RAX: variants seen among roughly 807,000 people sequenced by gnomAD.
RAX encodes the protein retina and anterior neural fold homeobox, also known as retinal homeobox protein Rx.
Under a neutral mutation model 17.4 loss-of-function variants are expected in RAX, and 11 were observed. The ratio of observed to expected loss-of-function variants is 0.63; its 90% confidence interval spans 0.40 to 1.05. The LOEUF (loss-of-function observed/expected upper bound fraction) is 1.05, where lower values mean the gene tolerates loss of function less well. Among genes scored for constraint, RAX ranks in the 50% least tolerant of loss-of-function variants. The pLI is 0.00. For missense variants in RAX, 527 were observed against 501.1 expected, an observed-to-expected ratio of 1.05 and a Z score of -0.49; for synonymous variants, 276 against 254.7, an observed-to-expected ratio of 1.08 and a Z score of -0.80.
intron 2 of RAX, among the ~76,000 whole-genome samples, chr18:59,271,551 G>A (rs2070338228): frequency 6.6e-6 from 1 of 152,192 alleles, no homozygotes; most frequent in Non-Finnish European, 1.5e-5. Flanking sequence ...ATGGATAAAA[G>A]CTCCGAACAC....
chr18:59,272,804 C>G, intron 1 of RAX, 114 bp downstream of exon 1: 1 of 1,417,826 alleles, frequency 7.1e-7, no homozygotes, highest in Non-Finnish European at 9.3e-7. Context: ...ATAGACGGTC[C>G]CCAACCCCGC....
chr18:59,272,356 T>A lies in RAX; in HGVS notation c.543+5A>T. 6.2e-7 allele frequency: 1 copy of A among 1,614,198 alleles called. No homozygotes were observed. Among genetic ancestry groups the A allele is most frequent in the Non-Finnish European group, 8.5e-7 (1 of 1,180,038 alleles). On this transcript the variant is annotated splice_donor_5th_base_variant and intron_variant, in intron 2 of 2. Transcript: ENST00000334889. ...GATCCCAGTTCCTCAACCTGGGCGC[T>A]TTACCTGGACCCGGACCTCTGGTAG...
In RAX at chr18:59,273,117, C is replaced by T; in HGVS notation, c.90G>A (p.Ser30=). The T allele has an allele frequency of 6.5e-7, 1 of 1,535,032 alleles. No homozygotes were observed. The highest frequency in any genetic ancestry group is 1.2e-5 in the South Asian group (1 of 84,022). ...HLLRSPGGST[S]RLHSIEAILG... ...GGATGGCCTCGATGCTGTGAAGTCG[C>T]GAGGTGCTCCCGCCCGGGCTGCGGA... The change falls in exon 1 of 3, where the codon TCG becomes TCA. Residue 30 remains serine, a synonymous_variant. Transcript: ENST00000334889.
In RAX at chr18:59,269,172, G is replaced by A. The variant is rs375109612; in HGVS notation, c.873C>T (p.Pro291=). Residue 291 remains proline (P), a synonymous_variant, in exon 3 of 3, where the codon CCC becomes CCT. Coordinates refer to ENST00000334889, the MANE Select transcript of RAX (RefSeq NM_013435.3). Reference sequence around the variant, plus strand: ...GCGGCGGCGCGAGAGGTTGCAGGCCGGGGCCCAACGGCGGGGAGTTCAGGA... The same window carrying A: ...GCGGCGGCGCGAGAGGTTGCAGGCCAGGGCCCAACGGCGGGGAGTTCAGGA... ...PPFLNSPPLG[P]GLQPLAPPPP... 9.0e-6 allele frequency: 14 copies of A among 1,561,748 alleles called. No individual in the cohort carries two copies. Among genetic ancestry groups the A allele is most frequent in the Non-Finnish European group, 1.2e-5 (14 of 1,152,384 alleles).
Position 59,269,142 on chromosome 18 carries a change from GGGC to G in RAX, c.900_902del (p.Pro301del). On this transcript the variant is annotated inframe_deletion, in exon 3 of 3. Transcript: ENST00000334889. Reference sequence around the variant, plus strand: ...CGAAGCCGGGCCCGCACGGGTAGGAGGGCGGCGGCGGCGCGAGAGGTTGCAGGC... The same window carrying G: ...CGAAGCCGGGCCCGCACGGGTAGGAGGGCGGCGGCGCGAGAGGTTGCAGGC... 6.3e-7 allele frequency: 1 copy of G among 1,598,242 alleles called. No homozygotes were observed. The highest frequency in any genetic ancestry group is 1.3e-5 in the African/African-American group (1 of 74,712).
In RAX at chr18:59,269,738, C is replaced by CT. The variant is rs398033067; in HGVS notation, c.544-238dup. On this transcript the variant is annotated intron_variant, in intron 2 of 2. Transcript: ENST00000334889. Reference sequence around the variant, plus strand: ...CCCCTTTCTCTCTCTCTCTCTCTCTCTTTTTTTTTTTTTTTTGGCCTCTTC... The same window carrying CT: ...CCCCTTTCTCTCTCTCTCTCTCTCTCTTTTTTTTTTTTTTTTTGGCCTCTTC... Among the ~76,000 whole-genome samples, 10,212 of 63,846 alleles carry CT rather than the reference C, an allele frequency of 0.16. 641 individuals carry two copies. The highest frequency in any genetic ancestry group is 0.25 in the Non-Finnish European group (7,479 of 29,896). 41.9% of individuals were successfully genotyped at this position (63,846 alleles called of 152,430 possible). A position where few individuals can be genotyped will look rare whatever the true frequency, so the allele number is the denominator to read the frequency against.
In RAX at chr18:59,272,978, G is replaced by A. The variant is rs764834579; in HGVS notation, c.229C>T (p.Pro77Ser). The A allele has an allele frequency of 1.1e-5, 16 of 1,520,804 alleles. No individual in the cohort carries two copies. The African/African-American group carries it at 1.8e-4, about 18-fold the overall frequency. 94.2% of individuals were successfully genotyped at this position (1,520,804 alleles called of 1,614,324 possible). The change falls in exon 1 of 3, where the codon CCC becomes TCC. Residue 77 changes from proline (P) to serine (S), a missense_variant. Coordinates refer to ENST00000334889, the MANE Select transcript of RAX (RefSeq NM_013435.3). ...LGARPACPKA[P>S]EEGSEPSPPP... ...GGGGAGGGCTCGGAGCCTTCCTCGG[G>A]CGCCTTGGGGCAGGCGGGCCGCGCG... is the stretch of plus-strand genomic sequence containing the variant.
chr18:59,270,432 C>G (rs956998412), intron 2 of RAX, among the ~76,000 whole-genome samples: 1 of 152,148 alleles, frequency 6.6e-6, no homozygotes, highest in Non-Finnish European at 1.5e-5. Flanking sequence ...CCAAGAGTAA[C>G]GTCGGGTTCT....
In RAX at chr18:59,273,422, G is replaced by A. The variant is rs2070359087; in HGVS notation, c.-216C>T. 7.1e-6 allele frequency: 4 copies of A among 565,260 alleles called. No homozygotes were observed. Among genetic ancestry groups the A allele is most frequent in the Non-Finnish European group, 1.2e-5 (4 of 330,728 alleles). The allele number at this position is 565,260 out of a possible 1,614,324, so 35.0% of individuals were successfully genotyped here. A position where few individuals can be genotyped will look rare whatever the true frequency, so the allele number is the denominator to read the frequency against. On this transcript the variant is annotated 5_prime_UTR_variant, in exon 1 of 3. Coordinates refer to ENST00000334889, the MANE Select transcript of RAX (RefSeq NM_013435.3). ...TCGGAAGTTCGGGCTCGGGGTAGCT[G>A]GGGCTCTCGGCGCTAAAGGCGGGGA...
Position 59,267,973 on chromosome 18 carries a change from G to A in RAX, c.*1031C>T, listed in dbSNP as rs763329591. On this transcript the variant is annotated 3_prime_UTR_variant, in exon 3 of 3. Transcript: ENST00000334889. ...TGGGTTGGCGAGTGTGGAGCGAGTT[G>A]GGGAGGTTAGAGAGTCTCGCGGCTC... 1.3e-5 allele frequency: 2 copies of A among 152,266 alleles called. No individual in the cohort carries two copies. Among genetic ancestry groups the A allele is most frequent in the Non-Finnish European group, 2.9e-5 (2 of 68,110 alleles). The allele number at this position is 152,266 out of a possible 1,614,324, so 9.4% of individuals were successfully genotyped here.
chr18:59,273,442 C>T lies in RAX; in HGVS notation c.-236G>A, dbSNP rs886387053. 3.7e-6 allele frequency: 2 copies of T among 545,332 alleles called. No individual in the cohort carries two copies. The highest frequency in any genetic ancestry group is 4.1e-5 in the African/African-American group (2 of 49,308). The allele number at this position is 545,332 out of a possible 1,614,324, so 33.8% of individuals were successfully genotyped here. A position where few individuals can be genotyped will look rare whatever the true frequency, so the allele number is the denominator to read the frequency against. ...TAGCTGGGGCTCTCGGCGCTAAAGGCGGGGAGCCAACTGGCCCTCGGCTCC... is the reference window on the plus strand; with the variant it reads ...TAGCTGGGGCTCTCGGCGCTAAAGGTGGGGAGCCAACTGGCCCTCGGCTCC... On this transcript the variant is annotated 5_prime_UTR_variant, in exon 1 of 3. Transcript: ENST00000334889.
rs771409497 is a variant in RAX, at chr18:59,273,183, T to C, written c.24A>G (p.Pro8=). MHLPGCA[P]AMADGSFSLA... Reference sequence around the variant, plus strand: ...GCGAGAAGCTCCCGTCGGCCATGGCTGGCGCGCAGCCCGGCAGGTGCATGG... The same window carrying C: ...GCGAGAAGCTCCCGTCGGCCATGGCCGGCGCGCAGCCCGGCAGGTGCATGG... The change falls in exon 1 of 3, where the codon CCA becomes CCG. Residue 8 remains proline (P), a synonymous_variant. Coordinates refer to ENST00000334889, the MANE Select transcript of RAX (RefSeq NM_013435.3). 1,042 of 1,531,328 alleles carry C rather than the reference T, an allele frequency of 6.8e-4. 2 individuals are homozygous for C. Among genetic ancestry groups the C allele is most frequent in the Non-Finnish European group, 7.8e-4 (891 of 1,144,782 alleles). The allele number at this position is 1,531,328 out of a possible 1,614,324, so 94.9% of individuals were successfully genotyped here.
At position 59,267,636 on chromosome 18, in the gene RAX, C is replaced by CA. The variant is rs2070290724; in HGVS notation, c.*1367_*1368insT. 4 of 146,514 alleles carry CA rather than the reference C, an allele frequency of 2.7e-5. 1 individual carries two copies. The East Asian group carries it at 8.2e-4, about 30-fold the overall frequency. The allele number at this position is 146,514 out of a possible 1,614,324, so 9.1% of individuals were successfully genotyped here. On this transcript the variant is annotated 3_prime_UTR_variant, in exon 3 of 3. Transcript: ENST00000334889. The stretch of plus-strand genomic sequence containing the variant: ...ACGGGGGTTGTGGGGTGGACGCCCC[C>CA]CCCCCCCCCGTGCCAGGACCTGTTG...
Position 59,273,283 on chromosome 18 carries a change from G to T in RAX, c.-77C>A. 1 of 1,422,478 alleles carries T rather than the reference G, an allele frequency of 7.0e-7. No individual in the cohort carries two copies. 88.1% of individuals were successfully genotyped at this position (1,422,478 alleles called of 1,614,324 possible). A position where few individuals can be genotyped will look rare whatever the true frequency, so the allele number is the denominator to read the frequency against. On this transcript the variant is annotated 5_prime_UTR_variant, in exon 1 of 3. Transcript: ENST00000334889. The stretch of plus-strand genomic sequence containing the variant: ...GAAGCCGGGTCTTCCCGAGTGCGGC[G>T]GTGCAACCCGACGGGTCCCGACCCT...
At chr18:59,271,387 C>T (rs764741942) in intron 2 of RAX, among the ~76,000 whole-genome samples, 1 of 152,128 alleles carries the variant, frequency 6.6e-6, no homozygotes, top group South Asian at 2.1e-4. Flanking sequence ...CTTTACTGCC[C>T]CAAATTAGGA....
In RAX at chr18:59,272,400, C is replaced by T; in HGVS notation, c.504G>A (p.Glu168=). The stretch of plus-strand genomic sequence containing the variant: ...CTGGTAGGTTGACCTTGCCGGCCAG[C>T]TCCTCGCGGCTGTACACGTCCGGGT... ...SHYPDVYSRE[E]LAGKVNLPEV... is the part of the protein sequence containing the mutation. The change falls in exon 2 of 3, where the codon GAG becomes GAA. Residue 168 remains glutamate, a synonymous_variant. Transcript: ENST00000334889. 6.2e-7 allele frequency: 1 copy of T among 1,614,272 alleles called. No individual in the cohort carries two copies. The highest frequency in any genetic ancestry group is 8.5e-7 in the Non-Finnish European group (1 of 1,180,058).
At chr18:59,272,299 A>G (rs374193429) in intron 2 of RAX, 62 bp downstream of exon 2, 158 of 1,611,340 alleles carry the variant, frequency 9.8e-5, no homozygotes, top group Admixed American at 1.5e-4. Context: ...TCCGAGAAGC[A>G]TTGGCTGCAA....
chr18:59,268,800 C>T lies in RAX; in HGVS notation c.*204G>A. On this transcript the variant is annotated 3_prime_UTR_variant, in exon 3 of 3. Coordinates refer to ENST00000334889, the MANE Select transcript of RAX (RefSeq NM_013435.3). This position sits in a 1 kb window ranked among gnomAD's most constrained non-coding sequence, Gnocchi z 4.4. Reference sequence around the variant, plus strand: ...GGTCCGCGAAGTGCGTTGAGGCGGCCAGAGGGCCTCTCCTCAGGCCTGAAA... The same window carrying T: ...GGTCCGCGAAGTGCGTTGAGGCGGCTAGAGGGCCTCTCCTCAGGCCTGAAA... 1.2e-6 allele frequency: 1 copy of T among 842,436 alleles called. No individual in the cohort carries two copies. The highest frequency in any genetic ancestry group is 1.8e-5 in the South Asian group (1 of 55,634). The allele number at this position is 842,436 out of a possible 1,614,324, so 52.2% of individuals were successfully genotyped here.
In RAX at chr18:59,268,875, G is replaced by C; in HGVS notation, c.*129C>G. On this transcript the variant is annotated 3_prime_UTR_variant, in exon 3 of 3. Coordinates refer to ENST00000334889, the MANE Select transcript of RAX (RefSeq NM_013435.3). The surrounding 1 kb of genome is among the most constrained non-coding windows in gnomAD (Gnocchi z 4.4). ...GAGCAGGCGCGTGGCCCTGAACTATGCTTGGCGGGTGGCTGCAGGCGACAG... is the reference window on the plus strand; with the variant it reads ...GAGCAGGCGCGTGGCCCTGAACTATCCTTGGCGGGTGGCTGCAGGCGACAG... The C allele has an allele frequency of 6.8e-7, 1 of 1,473,482 alleles. No individual in the cohort carries two copies. Among genetic ancestry groups the C allele is most frequent in the Non-Finnish European group, 9.3e-7 (1 of 1,078,874 alleles). 91.3% of individuals were successfully genotyped at this position (1,473,482 alleles called of 1,614,324 possible).
Sources: gnomAD v4.1 joint callset for allele counts (sites outside exome capture counted in the v4.1 genomes callset) on GRCh38, gnomAD v4.1.1 for gene constraint, Gnocchi (gnomAD v3.1) non-coding constraint, MANE v1.5 for transcripts, NCBI Gene and HGNC (gene_info 2026-07-23, HGNC 2026-07-21) for gene names.